FBLIM1: variants seen among roughly 807,000 people sequenced by gnomAD.
FBLIM1 encodes the protein filamin-binding LIM protein 1.
In FBLIM1, 29 loss-of-function variants were observed where a neutral mutation model predicts 37.4. The ratio of observed to expected loss-of-function variants is 0.77; its 90% CI spans 0.58 to 1.06. The LOEUF is 1.06. Ranked by LOEUF, FBLIM1 falls within the 50% of genes least tolerant of loss-of-function variation. The pLI is 0.00. For missense variants in FBLIM1, 449 were observed against 505.6 expected, an observed-to-expected ratio of 0.89 and a Z score of 1.07; for synonymous variants, 193 against 199.0, an observed-to-expected ratio of 0.97 and a Z score of 0.25.
intron 7 of FBLIM1, 109 bp downstream of exon 7, chr1:15,774,905 A>G: frequency 2.5e-6 from 4 of 1,598,718 alleles, no homozygotes; most frequent in Non-Finnish European, 3.4e-6. Context: ...TTTCCTGTCT[A>G]CTGGTTTATT....
intron 1 of FBLIM1, among the ~76,000 whole-genome samples, chr1:15,760,573 C>T (rs2068625608): frequency 6.7e-6 from 1 of 149,542 alleles, no homozygotes; most frequent in Admixed American, 6.7e-5. Context: ...TAGAGGTGGC[C>T]CCAGAGGTTT....
At chr1:15,773,541 G>A (rs1383485261) in intron 6 of FBLIM1, among the ~76,000 whole-genome samples, 2 of 151,712 alleles carry the variant, frequency 1.3e-5, no homozygotes, top group Non-Finnish European at 2.9e-5. Context: ...TTAGCCGGAT[G>A]TGGTGGCGCA....
chr1:15,762,428 A>T lies in FBLIM1; in HGVS notation c.-210-2068A>T, dbSNP rs1033415684. The stretch of plus-strand genomic sequence containing the variant: ...CAGGCGTCTGCCACCATGCCCAGCT[A>T]ATTTTTGTATTTTTAGTAGAGACAG... On this transcript the variant is annotated intron_variant, in intron 1 of 8. Transcript: ENST00000375766. Among the ~76,000 whole-genome samples, 4 of 151,978 alleles carry T rather than the reference A, an allele frequency of 2.6e-5. No individual in the cohort carries two copies. In the South Asian group the frequency reaches 8.3e-4, roughly 32 times the overall value.
Position 15,765,265 on chromosome 1 carries a change from CG to C in FBLIM1, c.250+33del. 1 of 1,579,070 alleles carries C rather than the reference CG, an allele frequency of 6.3e-7. No individual in the cohort carries two copies. The highest frequency in any genetic ancestry group is 8.6e-7 in the Non-Finnish European group (1 of 1,158,958). ...GCTGAGGGGACTTTGGGGAAGACCA[CG>C]TCAGAGGCAGAGGTGGGGAGGAAAG... On this transcript the variant is annotated intron_variant, in intron 3 of 8. Transcript: ENST00000375766. The surrounding 1 kb of genome is among the most constrained non-coding windows in gnomAD (Gnocchi z 5.9).
rs199962222 is a variant in FBLIM1 at position 15,764,967 on chromosome 1, C to T, written c.-17C>T. ...CTGTACCCCACTCTGTCCCTAGCCA[C>T]ACCAGGAGCTGAAGCCATGGCCTCA... On this transcript the variant is annotated 5_prime_UTR_variant, in exon 3 of 9. Transcript: ENST00000375766. 1 of 1,607,496 alleles carries T rather than the reference C, an allele frequency of 6.2e-7. No homozygotes were observed. The highest frequency in any genetic ancestry group is 8.5e-7 in the Non-Finnish European group (1 of 1,176,930).
chr1:15,781,984 C>T (rs1462241749), intron 8 of FBLIM1, among the ~76,000 whole-genome samples: 1 of 151,906 alleles, frequency 6.6e-6, no homozygotes, highest in Non-Finnish European at 1.5e-5. Context: ...TCCCAAAGAG[C>T]TGGAATTACA....
Position 15,784,652 on chromosome 1 carries a change from G to T in FBLIM1, c.1113G>T (p.Gly371=), listed in dbSNP as rs555681786. The change falls in exon 9 of 9, where the codon GGG becomes GGT. Residue 371 remains glycine, a synonymous_variant. Coordinates refer to ENST00000375766, the MANE Select transcript of FBLIM1 (RefSeq NM_017556.4). ...KPCHVKRSAA[G]CC Reference sequence around the variant, plus strand: ...GCCATGTGAAGCGGAGTGCTGCGGGGTGCTGCTGAGAGTGCCCGCTGGGCA... The same window carrying T: ...GCCATGTGAAGCGGAGTGCTGCGGGTTGCTGCTGAGAGTGCCCGCTGGGCA... 6.2e-7 allele frequency: 1 copy of T among 1,613,818 alleles called. No homozygotes were observed. The highest frequency in any genetic ancestry group is 8.5e-7 in the Non-Finnish European group (1 of 1,179,856).
rs566361306 is a variant in FBLIM1, at chr1:15,775,415, G to T, written c.890+619G>T. On this transcript the variant is annotated intron_variant, in intron 7 of 8. Coordinates refer to ENST00000375766, the MANE Select transcript of FBLIM1 (RefSeq NM_017556.4). ...CTGAGCATGGTGGTGTGTGCCTGTA[G>T]TCCCAGCTACTTGGGAGGCTGAGGC... 4.6e-5 allele frequency among the ~76,000 whole-genome samples: 7 copies of T among 151,422 alleles called. No homozygotes were observed. The South Asian group carries it at 1.5e-3, about 32-fold the overall frequency.
chr1:15,777,550 C>T (rs149736190), intron 8 of FBLIM1, among the ~76,000 whole-genome samples: 5 of 150,008 alleles, frequency 3.3e-5, no homozygotes, highest in African/African-American at 7.3e-5. Context: ...TGGTATTGAG[C>T]GATGGCATCA....
At chr1:15,757,287 C>A (rs539769218), upstream of FBLIM1, among the ~76,000 whole-genome samples, 1 of 152,176 alleles carries the variant, frequency 6.6e-6, no homozygotes, top group Non-Finnish European at 1.5e-5. This position sits in a 1 kb window ranked among gnomAD's most constrained non-coding sequence, Gnocchi z 4.1. Flanking sequence ...AGGGACACAG[C>A]GGCTCTGGTT....
In FBLIM1 at chr1:15,762,192, G is replaced by A. The variant is rs138933400; in HGVS notation, c.-210-2304G>A. Among the ~76,000 whole-genome samples the A allele has an allele frequency of 3.9e-3, 594 of 150,440 alleles. 3 individuals carry two copies. The highest frequency in any genetic ancestry group is 0.013 in the South Asian group (60 of 4,740). ...CAACCTCGCCTCCCAGGATTCAAGC[G>A]ATTCTCCTGCCTCAGCCTCCTAAGT... On this transcript the variant is annotated intron_variant, in intron 1 of 8. Coordinates refer to ENST00000375766, the MANE Select transcript of FBLIM1 (RefSeq NM_017556.4).
In FBLIM1 at chr1:15,764,969, C is replaced by A; in HGVS notation, c.-15C>A. The A allele has an allele frequency of 6.2e-7, 1 of 1,608,090 alleles. No individual in the cohort carries two copies. Among genetic ancestry groups the A allele is most frequent in the Non-Finnish European group, 8.5e-7 (1 of 1,177,156 alleles). On this transcript the variant is annotated 5_prime_UTR_variant, in exon 3 of 9. Coordinates refer to ENST00000375766, the MANE Select transcript of FBLIM1 (RefSeq NM_017556.4). ...GTACCCCACTCTGTCCCTAGCCACACCAGGAGCTGAAGCCATGGCCTCAAA... is the reference window on the plus strand; with the variant it reads ...GTACCCCACTCTGTCCCTAGCCACAACAGGAGCTGAAGCCATGGCCTCAAA...
In FBLIM1 at chr1:15,770,546, G is replaced by A; in HGVS notation, c.679G>A (p.Asp227Asn). 6.2e-7 allele frequency: 1 copy of A among 1,613,998 alleles called. No individual in the cohort carries two copies. The highest frequency in any genetic ancestry group is 8.5e-7 in the Non-Finnish European group (1 of 1,180,040). ...QLAGQSFYQK[D>N]GRPLCEPCYQ... ...GGCTGGGCAGAGCTTCTACCAGAAG[G>A]ATGGGCGACCCCTCTGCGAACCCTG... Residue 227 changes from aspartate to asparagine, a missense_variant, in exon 6 of 9, where the codon GAT (aspartate) becomes AAT (asparagine). Coordinates refer to ENST00000375766, the MANE Select transcript of FBLIM1 (RefSeq NM_017556.4).
Position 15,768,609 on chromosome 1 carries a change from G to A in FBLIM1, c.520G>A (p.Val174Ile), listed in dbSNP as rs75390903. Reference protein sequence around the residue: ...EELPPPPAEPVEKGASTDICA... With the variant: ...EELPPPPAEPIEKGASTDICA... Reference sequence around the variant, plus strand: ...GCTGCCACCTCCCCCGGCAGAACCTGTTGAGAAAGGGGCATCCACAGGTAG... The same window carrying A: ...GCTGCCACCTCCCCCGGCAGAACCTATTGAGAAAGGGGCATCCACAGGTAG... Residue 174 changes from valine (V) to isoleucine (I), a missense_variant, in exon 5 of 9, where the codon GTT (valine) becomes ATT (isoleucine). Val to Ile is a conservative substitution (Grantham distance 29, BLOSUM62 3). Transcript: ENST00000375766. 1.8e-3 allele frequency: 2,876 copies of A among 1,611,988 alleles called. 53 individuals carry two copies. In the African/African-American group the frequency reaches 0.033, roughly 19 times the overall value.
rs954301405 is a variant in FBLIM1, at chr1:15,758,810, G to C, written c.-249G>C. On this transcript the variant is annotated 5_prime_UTR_variant, in exon 1 of 9. Transcript: ENST00000375766. The surrounding 1 kb of genome is among the most constrained non-coding windows in gnomAD (Gnocchi z 6.2). ...CAGCGGCTCCGGGCTCCGCTGGCTC[G>C]GGCGTCGGATCGGAGCCGCCGGGGC... The C allele has an allele frequency of 6.6e-6, 1 of 151,228 alleles. No individual in the cohort carries two copies. Among genetic ancestry groups the C allele is most frequent in the Non-Finnish European group, 1.5e-5 (1 of 67,544 alleles). The allele number at this position is 151,228 out of a possible 1,614,324, so 9.4% of individuals were successfully genotyped here.
rs541125612 is a variant in FBLIM1 at position 15,774,956 on chromosome 1, C to T, written c.890+160C>T. 23 of 1,475,754 alleles carry T rather than the reference C, an allele frequency of 1.6e-5. No homozygotes were observed. In the East Asian group the frequency reaches 2.0e-4, roughly 13 times the overall value. The allele number at this position is 1,475,754 out of a possible 1,614,324, so 91.4% of individuals were successfully genotyped here. On this transcript the variant is annotated intron_variant, in intron 7 of 8. Transcript: ENST00000375766. ...GGGCTGGGCTGGGCGCGGTGGCTCA[C>T]GCCTGTAATCCCAGCACTTTGGGAG...
chr1:15,763,317 GCCTCTGCCTC>G (rs1215984491), intron 1 of FBLIM1, among the ~76,000 whole-genome samples: 3 of 151,820 alleles, frequency 2.0e-5, no homozygotes, highest in Admixed American at 6.6e-5. Flanking sequence ...TGATCCACCT[GCCTCTGCCTC>G]CCAAAGTGCT....
intron 6 of FBLIM1, among the ~76,000 whole-genome samples, chr1:15,771,080 C>T (rs2069180725): frequency 6.6e-6 from 1 of 152,030 alleles, no homozygotes; most frequent in African/African-American, 2.4e-5. Flanking sequence ...GCTGGGATTA[C>T]AGGCACCTGA....
At chr1:15,757,352 A>C (rs1398255958), upstream of FBLIM1, among the ~76,000 whole-genome samples, 1 of 152,180 alleles carries the variant, frequency 6.6e-6, no homozygotes, top group African/African-American at 2.4e-5. The surrounding 1 kb of genome is among the most constrained non-coding windows in gnomAD (Gnocchi z 4.1). Flanking sequence ...TCGGGGCCTC[A>C]GTGTCCTTGA....
Sources: allele counts gnomAD v4.1 joint callset (sites outside exome capture counted in the v4.1 genomes callset), GRCh38; gene constraint gnomAD v4.1.1; non-coding constraint Gnocchi (gnomAD v3.1); transcripts MANE v1.5; gene names NCBI Gene and HGNC (gene_info 2026-07-23, HGNC 2026-07-21).